The following PRSS53 variants were observed in gnomAD, a reference collection of about 807,000 sequenced individuals.
PRSS53 encodes the protein EDTP308.
Under a neutral mutation model 62.7 loss-of-function variants are expected in PRSS53, and 54 were observed. That is an observed-to-expected ratio of 0.86 (90% CI 0.69 to 1.08). The LOEUF is 1.08. PRSS53 is among the 50% of genes least tolerant of loss of function. The pLI is 0.00. For synonymous variants in PRSS53, 273 were observed against 300.0 expected (o/e 0.91, Z 0.93); for missense variants, 688 against 728.3 (o/e 0.94, Z 0.64).
exon 9 of PRSS53, chr16:31,084,567 G>A: frequency 6.2e-7 from 1 of 1,604,568 alleles, no homozygotes; most frequent in Non-Finnish European, 8.5e-7. Flanking sequence ...CCTCACAGCT[G>A]GGCAGCTCAC....
In PRSS53 at chr16:31,087,710, GAGTT is replaced by G. The variant is rs752672970; in HGVS notation, c.80-15_80-12del. On this transcript the variant is annotated splice_polypyrimidine_tract_variant and intron_variant, in intron 2 of 10. Coordinates refer to ENST00000280606, the Ensembl canonical transcript of PRSS53. ...CACGCTGTCCACAGGCTGTGGAAAG[GAGTT>G]AGTCACACTGACAGCAGATACCTGT... The G allele has an allele frequency of 1.2e-6, 2 of 1,613,678 alleles. No individual in the cohort carries two copies. Among genetic ancestry groups the G allele is most frequent in the Non-Finnish European group, 1.7e-6 (2 of 1,179,890 alleles).
Position 31,086,571 on chromosome 16 carries a change from T to C in PRSS53, c.508+62A>G, listed in dbSNP as rs2057236064. The C allele has an allele frequency of 1.9e-6, 3 of 1,557,420 alleles. No homozygotes were observed. The Admixed American group carries it at 5.5e-5, about 28-fold the overall frequency. On this transcript the variant is annotated intron_variant, in intron 4 of 10. Transcript: ENST00000280606. ...ACTGGAAGCCAGGACAGTTGGGAGC[T>C]GAGACTGTGACGCTGGGCAAGCAGA...
exon 7 of PRSS53, chr16:31,085,223 T>G: frequency 6.3e-7 from 1 of 1,599,884 alleles, no homozygotes; most frequent in Non-Finnish European, 8.5e-7. Context: ...GGGAGGGTGC[T>G]CCTGCCTGGG....
intron 1 of PRSS53, chr16:31,088,434 A>G: frequency 8.0e-7 from 1 of 1,249,684 alleles, no homozygotes; most frequent in Non-Finnish European, 1.0e-6. Context: ...AACTGAGGCC[A>G]GAGGAGCCCA....
chr16:31,084,206 C>A, exon 10 of PRSS53: 1 of 1,611,366 alleles, frequency 6.2e-7, no homozygotes. Context: ...CTGACCCAGT[C>A]CTCATAGGCA....
intron 1 of PRSS53, chr16:31,088,457 C>T (rs938210075): frequency 1.1e-4 from 149 of 1,302,288 alleles, no homozygotes; most frequent in Non-Finnish European, 1.4e-4. Flanking sequence ...GTTTGCCTGA[C>T]GTCATTGTGG....
rs1399832194 is a variant in PRSS53, at chr16:31,085,183, G to A, written c.961C>T (p.Gln321Ter). Residue 321 changes from glutamine to a stop codon, truncating the protein, a stop_gained, in exon 7 of 11, where the codon CAG becomes TAG. Transcript: ENST00000280606. LOFTEE classifies it high-confidence loss of function. Reference sequence around the variant, plus strand: ...GCTCCGCCACAGGCCAGCTGTCCCTGGTGCATCAGCCTGGCCTCCCAGGGC... The same window carrying A: ...GCTCCGCCACAGGCCAGCTGTCCCTAGTGCATCAGCCTGGCCTCCCAGGGC... 1.2e-6 allele frequency: 2 copies of A among 1,609,704 alleles called. No individual in the cohort carries two copies. The highest frequency in any genetic ancestry group is 1.7e-6 in the Non-Finnish European group (2 of 1,178,348).
chr16:31,084,102 G>T lies in PRSS53; in HGVS notation c.1642+17C>A. On this transcript the variant is annotated intron_variant, in intron 10 of 10. Coordinates refer to ENST00000280606, the Ensembl canonical transcript of PRSS53. ...CTGGAGAGGCAGGGTTTGGCAGGAG[G>T]CCCCGGGGCCACATACTTATGTTGG... is the stretch of plus-strand genomic sequence containing the variant. 6.4e-7 allele frequency: 1 copy of T among 1,557,080 alleles called. No individual in the cohort carries two copies. The highest frequency in any genetic ancestry group is 8.7e-7 in the Non-Finnish European group (1 of 1,151,128).
intron 1 of PRSS53, chr16:31,088,099 A>G: frequency 1.4e-6 from 2 of 1,383,264 alleles, no homozygotes; most frequent in Non-Finnish European, 1.9e-6. Context: ...GCCCTCCTCC[A>G]GGCTTCAGAA....
exon 10 of PRSS53, chr16:31,084,179 C>A: frequency 1.9e-6 from 3 of 1,608,216 alleles, no homozygotes; most frequent in Non-Finnish European, 2.5e-6. Context: ...GCGAAGTAGA[C>A]CTGCCAGTCC....
chr16:31,085,019 T>A (rs779642455), exon 8 of PRSS53: 6 of 1,597,088 alleles, frequency 3.8e-6, no homozygotes, highest in Non-Finnish European at 5.1e-6. Context: ...CTCTGGGGCC[T>A]GGCGCCTGTG....
chr16:31,083,928 G>C lies in PRSS53; in HGVS notation c.1643-119C>G, dbSNP rs558961382. On this transcript the variant is annotated intron_variant, in intron 10 of 10. Coordinates refer to ENST00000280606, the Ensembl canonical transcript of PRSS53. Reference sequence around the variant, plus strand: ...GGCCGCCATGACAGATGAGAATACTGAGGCTCAAAGCGGTTGAGCAGCCTG... The same window carrying C: ...GGCCGCCATGACAGATGAGAATACTCAGGCTCAAAGCGGTTGAGCAGCCTG... The C allele has an allele frequency of 9.0e-6, 14 of 1,555,310 alleles. No individual in the cohort carries two copies. The East Asian group carries it at 3.0e-4, about 34-fold the overall frequency.
intron 9 of PRSS53, 22 bp downstream of exon 9, chr16:31,084,536 G>T: frequency 6.3e-7 from 1 of 1,594,770 alleles, no homozygotes. Context: ...TGTTAGGTAA[G>T]GTGTGGGGGC....
At chr16:31,087,645 G>A (rs1385420446) in exon 3 of PRSS53, 2 of 1,611,128 alleles carry the variant, frequency 1.2e-6, no homozygotes, top group Non-Finnish European at 1.7e-6. Flanking sequence ...CCACTCGCCA[G>A]GGACTGTGTT....
intron 9 of PRSS53, 99 bp from the exon 10 acceptor site, chr16:31,084,434 C>T: frequency 1.3e-6 from 2 of 1,490,414 alleles, no homozygotes; most frequent in Non-Finnish European, 1.8e-6. Context: ...GGCTAATTGG[C>T]AAAAAGGCTT....
chr16:31,084,857 A>G (rs1420270734), exon 8 of PRSS53: 1 of 1,548,684 alleles, frequency 6.5e-7, no homozygotes, highest in Non-Finnish European at 8.7e-7. Flanking sequence ...GGGCAGGCAG[A>G]GGGGCCGCAG....
At chr16:31,086,864 C>G in exon 4 of PRSS53, 4 of 1,604,266 alleles carry the variant, frequency 2.5e-6, no homozygotes, top group Non-Finnish European at 3.4e-6. Flanking sequence ...GAACCCAGGA[C>G]CACTGACCAG....
chr16:31,083,680 T>TG, exon 11 of PRSS53: 1 of 1,591,102 alleles, frequency 6.3e-7, no homozygotes, highest in Admixed American at 1.8e-5. Context: ...GCTGGGCTTC[T>TG]GGGCCTGCCC....
rs545246608 is a variant in PRSS53, at chr16:31,088,467, G to C, written c.58+285C>G. ...CCAGAGTTTGCCTGACGTCATTGTGGAAGTCGAGGGGGAGGCAGGCACAGG... is the reference window on the plus strand; with the variant it reads ...CCAGAGTTTGCCTGACGTCATTGTGCAAGTCGAGGGGGAGGCAGGCACAGG... On this transcript the variant is annotated intron_variant, in intron 1 of 10. Transcript: ENST00000280606. 190 of 1,304,612 alleles carry C rather than the reference G, an allele frequency of 1.5e-4. No individual in the cohort carries two copies. The East Asian group carries it at 5.8e-3, about 40-fold the overall frequency. The allele number at this position is 1,304,612 out of a possible 1,614,324, so 80.8% of individuals were successfully genotyped here.
Sources: allele counts gnomAD v4.1 joint callset, GRCh38; gene constraint gnomAD v4.1.1; transcripts MANE v1.5; gene names NCBI Gene and HGNC (gene_info 2026-07-23, HGNC 2026-07-21).